The following RTN1 variants were observed in gnomAD, a reference collection of about 807,000 sequenced individuals.
The protein encoded by RTN1 is reticulon-1.
A neutral mutation model predicts 65.5 loss-of-function variants in RTN1; 25 were observed. The ratio of observed to expected loss-of-function variants is 0.38; its 90% CI spans 0.28 to 0.53. RTN1 has a LOEUF of 0.53. Ranked by LOEUF, RTN1 falls within the 20% of genes least tolerant of loss-of-function variation. The pLI, the probability that RTN1 is intolerant of heterozygous loss-of-function variation, is 0.79. For missense variants in RTN1, 983 were observed against 1,025.4 expected, an observed-to-expected ratio of 0.96 and a Z score of 0.57; for synonymous variants, 471 against 447.6, an observed-to-expected ratio of 1.05 and a Z score of -0.66.
At position 59,658,261 on chromosome 14, in the gene RTN1, T is replaced by C. The variant is rs1231033194; in HGVS notation, c.1766-50769A>G. On this transcript the variant is annotated intron_variant, in intron 3 of 8. Transcript: ENST00000267484. The stretch of plus-strand genomic sequence containing the variant: ...GACAGCAGCCCCAGTCAGGGGCTTA[T>C]AGATAAAACTCCCAGTTCCCTGCAA... Among the ~76,000 whole-genome samples the C allele has an allele frequency of 3.9e-5, 6 of 152,172 alleles. No individual in the cohort carries two copies. The East Asian group carries it at 7.7e-4, about 20-fold the overall frequency.
chr14:59,630,578 GC>G, intron 3 of RTN1: 1 of 1,600,600 alleles, frequency 6.2e-7, no homozygotes, highest in Non-Finnish European at 8.5e-7. Flanking sequence ...TTGGTGCCCG[GC>G]TGCTGCGGCT....
intron 3 of RTN1, among the ~76,000 whole-genome samples, chr14:59,693,575 C>T (rs888661786): frequency 2.6e-5 from 4 of 152,162 alleles, no homozygotes; most frequent in African/African-American, 4.8e-5. Flanking sequence ...ATCCTCATAG[C>T]TTAGCTCCCA....
At chr14:59,695,815 C>T (rs1025210315) in intron 3 of RTN1, among the ~76,000 whole-genome samples, 7 of 151,788 alleles carry the variant, frequency 4.6e-5, no homozygotes, top group Non-Finnish European at 1.0e-4. Context: ...CACGATTTTG[C>T]TATATATTGA....
intron 2 of RTN1, among the ~76,000 whole-genome samples, chr14:59,729,512 T>C (rs928757876): frequency 6.6e-6 from 1 of 152,206 alleles, no homozygotes; most frequent in African/African-American, 2.4e-5. Context: ...GTTGTACACA[T>C]AGTTGTTTGA....
chr14:59,737,957 A>C (rs898488057), intron 2 of RTN1, among the ~76,000 whole-genome samples: 1 of 152,244 alleles, frequency 6.6e-6, no homozygotes, highest in African/African-American at 2.4e-5. Flanking sequence ...CTGGCTAGCA[A>C]TATACAGAAA....
At chr14:59,796,408 C>A (rs1172164999) in intron 1 of RTN1, among the ~76,000 whole-genome samples, 1 of 152,110 alleles carries the variant, frequency 6.6e-6, no homozygotes, top group African/African-American at 2.4e-5. Context: ...AGCTATGTAT[C>A]AATATAGCAC....
chr14:59,807,180 G>C (rs1391850801), intron 1 of RTN1, among the ~76,000 whole-genome samples: 2 of 152,164 alleles, frequency 1.3e-5, no homozygotes, highest in Non-Finnish European at 2.9e-5. Flanking sequence ...TAGGAAGCAT[G>C]GTGGGTGGTG....
chr14:59,640,405 C>T (rs1225127724), intron 3 of RTN1, among the ~76,000 whole-genome samples: 3 of 152,156 alleles, frequency 2.0e-5, no homozygotes, highest in Admixed American at 2.0e-4. Flanking sequence ...AAGCCTCCAC[C>T]TCCCAGGTTC....
intron 1 of RTN1, among the ~76,000 whole-genome samples, chr14:59,781,376 G>A (rs1886152601): frequency 6.6e-6 from 1 of 151,962 alleles, no homozygotes; most frequent in African/African-American, 2.4e-5. Context: ...TTAGTGTTCT[G>A]TTCCAATTGT....
chr14:59,851,997 C>T (rs908254277), intron 1 of RTN1, among the ~76,000 whole-genome samples: 4 of 152,128 alleles, frequency 2.6e-5, no homozygotes, highest in African/African-American at 9.7e-5. Flanking sequence ...TCTTTCCAGA[C>T]TTTTGGTAAA....
intron 3 of RTN1, among the ~76,000 whole-genome samples, chr14:59,621,721 A>G (rs937410149): frequency 1.3e-5 from 2 of 152,250 alleles, no homozygotes; most frequent in African/African-American, 4.8e-5. Context: ...TTCTAGAAAG[A>G]AAGTCCTTTG....
intron 8 of RTN1, among the ~76,000 whole-genome samples, chr14:59,597,237 G>A (rs568567383): frequency 1.3e-5 from 2 of 152,322 alleles, no homozygotes; most frequent in East Asian, 1.9e-4. Context: ...AGGAACCTAT[G>A]TTCACCCTCA....
intron 1 of RTN1, among the ~76,000 whole-genome samples, chr14:59,781,206 A>C (rs1886148421): frequency 6.6e-6 from 1 of 151,910 alleles, no homozygotes; most frequent in Non-Finnish European, 1.5e-5. Context: ...CATGCTCCCC[A>C]TCACTCGGCC....
chr14:59,649,565 A>T (rs1349493324), intron 3 of RTN1, among the ~76,000 whole-genome samples: 1 of 151,852 alleles, frequency 6.6e-6, no homozygotes, highest in Non-Finnish European at 1.5e-5. Context: ...ATTTATAAAA[A>T]AAAACCATCA....
intron 1 of RTN1, among the ~76,000 whole-genome samples, chr14:59,782,324 A>G (rs890130011): frequency 6.6e-6 from 1 of 152,258 alleles, no homozygotes; most frequent in African/African-American, 2.4e-5. Flanking sequence ...TTACTGGAAG[A>G]TAGTCAACCA....
At chr14:59,700,526 A>G (rs1884155825) in intron 3 of RTN1, among the ~76,000 whole-genome samples, 1 of 152,204 alleles carries the variant, frequency 6.6e-6, no homozygotes, top group Non-Finnish European at 1.5e-5. Context: ...AGTCTAGACA[A>G]TAAATCAATA....
At chr14:59,616,991 A>G (rs530329621) in intron 3 of RTN1, among the ~76,000 whole-genome samples, 3 of 152,302 alleles carry the variant, frequency 2.0e-5, no homozygotes, top group Admixed American at 2.0e-4. Context: ...TCTCTACCTA[A>G]TTTCTCCAGA....
intron 3 of RTN1, among the ~76,000 whole-genome samples, chr14:59,608,234 T>A (rs374190954): frequency 7.2e-4 from 109 of 152,374 alleles, no homozygotes; most frequent in African/African-American, 2.6e-3. Flanking sequence ...AAATGGTTTT[T>A]ATAGAATTCT....
chr14:59,790,951 T>C lies in RTN1; in HGVS notation c.242-44470A>G, dbSNP rs1372711214. On this transcript the variant is annotated intron_variant, in intron 1 of 8. Coordinates refer to ENST00000267484, the MANE Select transcript of RTN1 (RefSeq NM_021136.3). The surrounding 1 kb of genome is among the most constrained non-coding windows in gnomAD (Gnocchi z 4.1). ...CTTCTCCTATCTATTTCTAATTATT[T>C]ATTACTTTGGTAGCAATATCATTTT... Among the ~76,000 whole-genome samples, 1 of 152,208 alleles carries C rather than the reference T, an allele frequency of 6.6e-6. No individual in the cohort carries two copies. Among genetic ancestry groups the C allele is most frequent in the Non-Finnish European group, 1.5e-5 (1 of 68,034 alleles).
Sources: gnomAD v4.1 joint callset for allele counts (sites outside exome capture counted in the v4.1 genomes callset) on GRCh38, gnomAD v4.1.1 for gene constraint, Gnocchi (gnomAD v3.1) non-coding constraint, MANE v1.5 for transcripts, NCBI Gene and HGNC (gene_info 2026-07-23, HGNC 2026-07-21) for gene names.